CSMD1: variants seen among roughly 807,000 people sequenced by gnomAD.
CSMD1 encodes CUB and sushi domain-containing protein 1.
In CSMD1, 213 loss-of-function variants were observed where a neutral mutation model predicts 417.5. The ratio of observed to expected loss-of-function variants is 0.51; its 90% CI spans 0.46 to 0.57. The LOEUF (loss-of-function observed/expected upper bound fraction) is 0.57. Among genes scored for constraint, CSMD1 ranks in the 20% least tolerant of loss-of-function variants. The pLI, the probability that CSMD1 is intolerant of heterozygous loss-of-function variation, is 0.00. For missense variants in CSMD1, 6,923 were observed against 4,529.7 expected (o/e 1.53, Z -15.17); for synonymous variants, 2,862 against 1,736.8 (o/e 1.65, Z -16.11).
chr8:3,866,190 C>G (rs917355415), intron 5 of CSMD1, among the ~76,000 whole-genome samples: 4 of 152,158 alleles, frequency 2.6e-5, no homozygotes, highest in African/African-American at 9.7e-5. Context: ...ACATCTAAGC[C>G]TAAATGAGTA....
chr8:3,076,006 G>A (rs62488402), intron 49 of CSMD1, among the ~76,000 whole-genome samples: 19,283 of 150,678 alleles, frequency 0.13, 1,354 homozygotes, highest in Middle Eastern at 0.16. Flanking sequence ...AGCCGAGATC[G>A]CGCCACTGCA....
chr8:3,734,124 T>G (rs1217411222), intron 6 of CSMD1, among the ~76,000 whole-genome samples: 2 of 152,202 alleles, frequency 1.3e-5, no homozygotes, highest in African/African-American at 4.8e-5. Context: ...TAATACTTAA[T>G]AAAGATATTT....
intron 3 of CSMD1, among the ~76,000 whole-genome samples, chr8:4,336,535 G>A (rs1800183783): frequency 6.6e-6 from 1 of 152,152 alleles, no homozygotes; most frequent in Non-Finnish European, 1.5e-5. Context: ...TTCGATGAAT[G>A]TCATGCTGCT....
chr8:4,018,359 C>T (rs569278587), intron 4 of CSMD1, among the ~76,000 whole-genome samples: 20 of 152,248 alleles, frequency 1.3e-4, no homozygotes, highest in African/African-American at 3.6e-4. Context: ...CAAATAATGC[C>T]GAGGAGCTGC....
chr8:4,438,600 G>C (rs957793682), intron 2 of CSMD1, among the ~76,000 whole-genome samples: 50 of 152,240 alleles, frequency 3.3e-4, no homozygotes, highest in African/African-American at 1.2e-3. Flanking sequence ...ACATTGTGCT[G>C]AATCATGCTC....
chr8:4,864,229 T>C (rs566835163), intron 1 of CSMD1, among the ~76,000 whole-genome samples: 1 of 151,912 alleles, frequency 6.6e-6, no homozygotes, highest in African/African-American at 2.4e-5. Flanking sequence ...TAGTAAAGTG[T>C]CCAAAATAAC....
rs544536173 is a variant in CSMD1 at position 3,662,203 on chromosome 8, T to C, written c.1010-45406A>G. Among the ~76,000 whole-genome samples, 15 of 152,342 alleles carry C rather than the reference T, an allele frequency of 9.8e-5. No homozygotes were observed. In the Middle Eastern group the frequency reaches 0.017, roughly 173 times the overall value. On this transcript the variant is annotated intron_variant, in intron 7 of 69. Transcript: ENST00000635120. ...GTAAACATACAAAACTACCCTTGAA[T>C]TAACAGTGGGTTTAGGAAAACACAG...
intron 3 of CSMD1, among the ~76,000 whole-genome samples, chr8:4,285,121 G>A (rs532450084): frequency 1.3e-5 from 2 of 152,174 alleles, no homozygotes; most frequent in Non-Finnish European, 2.9e-5. Flanking sequence ...AATGAGAAAA[G>A]TCCTTTTAAC....
chr8:4,112,573 G>T (rs962282421), intron 3 of CSMD1, among the ~76,000 whole-genome samples: 47 of 152,066 alleles, frequency 3.1e-4, no homozygotes, highest in African/African-American at 1.1e-3. Flanking sequence ...CCTCTTCTGG[G>T]GAGGCTGACT....
chr8:3,548,102 G>A (rs7846330), intron 10 of CSMD1, among the ~76,000 whole-genome samples: 2,175 of 152,134 alleles, frequency 0.014, 58 homozygotes, highest in African/African-American at 0.05. Context: ...AAAAAATACC[G>A]TGCTCAGAAG....
intron 3 of CSMD1, among the ~76,000 whole-genome samples, chr8:4,321,307 C>G (rs138378311): frequency 2.0e-5 from 3 of 152,216 alleles, no homozygotes; most frequent in Admixed American, 6.5e-5. Context: ...AGTCTCTTGC[C>G]TATTGTTTCC....
At chr8:3,870,072 T>C (rs1805374767) in intron 5 of CSMD1, among the ~76,000 whole-genome samples, 1 of 152,172 alleles carries the variant, frequency 6.6e-6, no homozygotes. Context: ...ACCCTCTGGG[T>C]ATAATGATTA....
At chr8:4,013,383 T>C (rs1796371544) in intron 4 of CSMD1, among the ~76,000 whole-genome samples, 1 of 152,150 alleles carries the variant, frequency 6.6e-6, no homozygotes, top group Non-Finnish European at 1.5e-5. Flanking sequence ...ACATTTCTGA[T>C]ATTCTCGCAG....
chr8:2,963,232 G>C lies in CSMD1; in HGVS notation c.9444C>G (p.Pro3148=). The C allele has an allele frequency of 6.2e-7, 1 of 1,613,920 alleles. No individual in the cohort carries two copies. Among genetic ancestry groups the C allele is most frequent in the Non-Finnish European group, 8.5e-7 (1 of 1,179,864 alleles). The change falls in exon 60 of 70, where the codon CCC becomes CCG. Residue 3148 remains proline (P), a synonymous_variant. Coordinates refer to ENST00000635120, the MANE Select transcript of CSMD1 (RefSeq NM_033225.6). The part of the protein sequence containing the change: ...EGRGVWKGEI[P]QCLPVFCGDP... Reference sequence around the variant, plus strand: ...TGCTGTAGAACTTACGGAGACACTGGGGGATCTCTCCTTTCCACACCCCGC... The same window carrying C: ...TGCTGTAGAACTTACGGAGACACTGCGGGATCTCTCCTTTCCACACCCCGC...
chr8:3,716,696 C>A (rs1331449492), intron 6 of CSMD1, among the ~76,000 whole-genome samples: 1 of 152,108 alleles, frequency 6.6e-6, no homozygotes, highest in Non-Finnish European at 1.5e-5. Flanking sequence ...GGAATGCAGC[C>A]CAGCAGGCCT....
chr8:3,058,959 C>T (rs2128992658), intron 49 of CSMD1, among the ~76,000 whole-genome samples: 1 of 152,076 alleles, frequency 6.6e-6, no homozygotes, highest in African/African-American at 2.4e-5. Context: ...CAACAACCAG[C>T]CCTCTCTTTA....
intron 1 of CSMD1, among the ~76,000 whole-genome samples, chr8:4,653,065 C>A (rs150630811): frequency 6.6e-6 from 1 of 151,982 alleles, no homozygotes; most frequent in African/African-American, 2.4e-5. Flanking sequence ...GCTTGGGGAC[C>A]CCGCTCTAGA....
chr8:4,453,709 G>C (rs1040819784), intron 2 of CSMD1, among the ~76,000 whole-genome samples: 2 of 151,630 alleles, frequency 1.3e-5, no homozygotes, highest in African/African-American at 2.4e-5. Context: ...GTATGCACAG[G>C]CATCACAGCG....
At chr8:3,559,859 T>C (rs564483721) in intron 10 of CSMD1, among the ~76,000 whole-genome samples, 14 of 152,114 alleles carry the variant, frequency 9.2e-5, no homozygotes, top group Non-Finnish European at 1.8e-4. Context: ...AAGAGGCCCC[T>C]AGAGTGGACA....
Sources: gnomAD v4.1 joint callset for allele counts (sites outside exome capture counted in the v4.1 genomes callset) on GRCh38, gnomAD v4.1.1 for gene constraint, MANE v1.5 for transcripts, NCBI Gene and HGNC (gene_info 2026-07-23, HGNC 2026-07-21) for gene names.